The following NRG1 variants were observed in gnomAD, a reference collection of about 807,000 sequenced individuals.
NRG1 encodes pro-neuregulin-1, membrane-bound isoform.
A neutral mutation model predicts 63.8 loss-of-function variants in NRG1; 18 were observed. That is an observed-to-expected ratio of 0.28 (90% confidence interval 0.19 to 0.42). The LOEUF is 0.42. Ranked by LOEUF, NRG1 falls within the 10% of genes least tolerant of loss-of-function variation. NRG1 has a pLI of 1.00. For missense variants in NRG1, 762 were observed against 814.7 expected (o/e 0.94, Z 0.79); for synonymous variants, 302 against 301.3 (o/e 1.00, Z -0.02).
chr8:32,717,502 T>C (rs1819543742), intron 5 of NRG1, among the ~76,000 whole-genome samples: 1 of 152,164 alleles, frequency 6.6e-6, no homozygotes, highest in South Asian at 2.1e-4. Flanking sequence ...AAGGAACTCC[T>C]GGGAGTTGTG....
At chr8:32,587,562 T>A (rs1841838733) in intron 1 of NRG1, among the ~76,000 whole-genome samples, 1 of 152,162 alleles carries the variant, frequency 6.6e-6, no homozygotes, top group Non-Finnish European at 1.5e-5. Context: ...GGCCTCACGA[T>A]TCCAAATAAT....
chr8:32,041,388 A>G (rs1236211972), intron 1 of NRG1, among the ~76,000 whole-genome samples: 1 of 152,222 alleles, frequency 6.6e-6, no homozygotes, highest in Non-Finnish European at 1.5e-5. Flanking sequence ...ACAACTATCA[A>G]ACCTGGACAA....
chr8:32,614,387 G>C (rs1846929554), intron 3 of NRG1, 127 bp from the exon 4 acceptor site: 1 of 798,036 alleles, frequency 1.3e-6, no homozygotes, highest in South Asian at 1.7e-5. Context: ...TTAAAGCCTG[G>C]ACTTTTCTCA....
intron 1 of NRG1, among the ~76,000 whole-genome samples, chr8:31,778,416 T>C (rs1819363484): frequency 6.6e-6 from 1 of 152,218 alleles, no homozygotes; most frequent in Admixed American, 6.5e-5. Context: ...TTAATTTTTG[T>C]TCTTGCTCTT....
At chr8:32,116,881 G>A (rs1001753430) in intron 1 of NRG1, among the ~76,000 whole-genome samples, 2 of 148,560 alleles carry the variant, frequency 1.3e-5, no homozygotes, top group Non-Finnish European at 3.0e-5. Context: ...AGTGGTTTGT[G>A]CCTGTAATCT....
intron 7 of NRG1, among the ~76,000 whole-genome samples, chr8:32,748,000 A>G (rs1321564697): frequency 2.0e-5 from 3 of 151,916 alleles, no homozygotes; most frequent in Non-Finnish European, 2.9e-5. Flanking sequence ...CATAAGAAAT[A>G]TTTTGTTAAT....
chr8:32,262,357 T>C (rs1054428712), intron 1 of NRG1, among the ~76,000 whole-genome samples: 1 of 152,164 alleles, frequency 6.6e-6, no homozygotes, highest in African/African-American at 2.4e-5. Flanking sequence ...GTCCAACTTA[T>C]TTGCATTTGC....
Position 31,680,513 on chromosome 8 carries a change from G to A in NRG1, c.37+41082G>A, listed in dbSNP as rs189108432. Among the ~76,000 whole-genome samples, 472 of 151,380 alleles carry A rather than the reference G, an allele frequency of 3.1e-3. 2 individuals carry two copies. The highest frequency in any genetic ancestry group is 0.021 in the South Asian group (99 of 4,722). On this transcript the variant is annotated intron_variant, in intron 1 of 10. Coordinates refer to the NRG1 transcript ENST00000519301. ...GCATAGTATTCCATGGTGTATATGTGCCACATTTTCTTAATCCAGTCTATC... is the reference window on the plus strand; with the variant it reads ...GCATAGTATTCCATGGTGTATATGTACCACATTTTCTTAATCCAGTCTATC...
intron 1 of NRG1, among the ~76,000 whole-genome samples, chr8:31,648,301 T>C (rs1040508259): frequency 2.0e-5 from 3 of 151,810 alleles, no homozygotes; most frequent in African/African-American, 7.2e-5. Context: ...GCCCGGCTAA[T>C]TTTTGTATTT....
intron 1 of NRG1, among the ~76,000 whole-genome samples, chr8:32,149,877 A>G (rs944442261): frequency 3.3e-5 from 5 of 152,228 alleles, no homozygotes; most frequent in African/African-American, 1.2e-4. Flanking sequence ...CAACCTTTAG[A>G]AACATAAAAT....
chr8:32,710,652 T>C (rs1015071234), intron 5 of NRG1, among the ~76,000 whole-genome samples: 2 of 152,202 alleles, frequency 1.3e-5, no homozygotes, highest in East Asian at 3.8e-4. Context: ...AGGAAAATGA[T>C]GTTAATCTGA....
intron 1 of NRG1, among the ~76,000 whole-genome samples, chr8:31,765,511 T>A (rs1176802921): frequency 5.3e-5 from 8 of 152,224 alleles, no homozygotes; most frequent in Non-Finnish European, 1.5e-5. Flanking sequence ...CCTCTATGCC[T>A]GTGTTTCTGA....
chr8:32,599,409 A>C (rs1843928213), intron 2 of NRG1, among the ~76,000 whole-genome samples: 1 of 152,146 alleles, frequency 6.6e-6, no homozygotes, highest in South Asian at 2.1e-4. Flanking sequence ...AGCAGCCAAC[A>C]TATCCTTTTA....
chr8:32,166,557 C>A (rs1839424362), intron 1 of NRG1, among the ~76,000 whole-genome samples: 1 of 152,148 alleles, frequency 6.6e-6, no homozygotes, highest in South Asian at 2.1e-4. Flanking sequence ...GAATTGTCCA[C>A]TTACAGCAAA....
intron 1 of NRG1, among the ~76,000 whole-genome samples, chr8:32,157,678 A>G (rs1838289479): frequency 6.7e-6 from 1 of 148,880 alleles, no homozygotes; most frequent in African/African-American, 2.4e-5. Context: ...ATTTTTAAAT[A>G]TATGTTTATA....
intron 1 of NRG1, among the ~76,000 whole-genome samples, chr8:32,307,629 TTG>T (rs1856363788): frequency 1.6e-5 from 2 of 121,426 alleles, no homozygotes; most frequent in Non-Finnish European, 1.8e-5. Context: ...GTGTGTGTGT[TTG>T]TGTGTTTAAC....
At chr8:32,616,780 A>G (rs1847447968) in intron 4 of NRG1, 55 bp from the exon 5 acceptor site, 2 of 1,409,560 alleles carry the variant, frequency 1.4e-6, no homozygotes, top group East Asian at 2.3e-5. Flanking sequence ...TTTCTAATTT[A>G]TGAGTCCAAG....
intron 1 of NRG1, among the ~76,000 whole-genome samples, chr8:32,226,954 T>C (rs1350522402): frequency 6.6e-6 from 1 of 152,224 alleles, no homozygotes; most frequent in Non-Finnish European, 1.5e-5. Flanking sequence ...CAAATGTCCA[T>C]GCAGCAACTC....
At chr8:32,658,612 A>G (rs953173395) in intron 5 of NRG1, among the ~76,000 whole-genome samples, 4 of 118,820 alleles carry the variant, frequency 3.4e-5, no homozygotes, top group African/African-American at 1.1e-4. Flanking sequence ...CAAATCTCTT[A>G]TTTTATCACA....
Sources: allele counts gnomAD v4.1 joint callset (sites outside exome capture counted in the v4.1 genomes callset), GRCh38; gene constraint gnomAD v4.1.1; transcripts MANE v1.5; gene names NCBI Gene and HGNC (gene_info 2026-07-23, HGNC 2026-07-21).